Variants in RP1 observed in about 807,000 individuals in gnomAD.
RP1 encodes RP1 axonemal microtubule associated.
In RP1, 16 loss-of-function variants were observed where a neutral mutation model predicts 14.8. That is an observed-to-expected ratio of 1.08 (90% CI 0.73 to 1.65). The LOEUF (loss-of-function observed/expected upper bound fraction) is 1.65, where lower values mean the gene tolerates loss of function less well. RP1 is among the 40% of genes most tolerant of loss of function. The pLI is 0.00. For missense variants in RP1, 2,631 were observed against 2,535.0 expected, an observed-to-expected ratio of 1.04 and a Z score of -0.81; for synonymous variants, 876 against 883.6, an observed-to-expected ratio of 0.99 and a Z score of 0.15.
chr8:54,577,106 C>A (rs1396125149), intron 1 of RP1, among the ~76,000 whole-genome samples: 1 of 152,172 alleles, frequency 6.6e-6, no homozygotes, highest in Non-Finnish European at 1.5e-5. Flanking sequence ...ACCTCTGCTT[C>A]CCGGGTTCAA....
downstream of RP1, among the ~76,000 whole-genome samples, chr8:54,773,161 C>T (rs1375639959): frequency 1.3e-5 from 2 of 152,096 alleles, no homozygotes; most frequent in Non-Finnish European, 2.9e-5. Context: ...ACCTGCAGTC[C>T]TCACCTTCTC....
At chr8:54,645,959 GA>G (rs1806541622) in intron 3 of RP1, among the ~76,000 whole-genome samples, 1 of 151,898 alleles carries the variant, frequency 6.6e-6, no homozygotes, top group African/African-American at 2.4e-5. Flanking sequence ...TTTATATAAA[GA>G]AAAAAGGAGC....
At chr8:54,810,701 T>C (rs1220500255) in intron 24 of RP1, among the ~76,000 whole-genome samples, 2 of 152,198 alleles carry the variant, frequency 1.3e-5, no homozygotes, top group African/African-American at 4.8e-5. Flanking sequence ...AAATCCCTGT[T>C]CCAACACTGT....
chr8:54,769,847 G>A (rs1478548415), exon 23 of RP1: 1 of 1,342,384 alleles, frequency 7.4e-7, no homozygotes, highest in Non-Finnish European at 1.0e-6. Flanking sequence ...AGATGATTTT[G>A]TTACATCTGG....
chr8:54,825,121 C>T (rs946673168), intron 24 of RP1, among the ~76,000 whole-genome samples: 7 of 152,218 alleles, frequency 4.6e-5, no homozygotes, highest in Non-Finnish European at 1.0e-4. Context: ...AGGCGCCTGC[C>T]ACCACGGCCG....
intron 19 of RP1, among the ~76,000 whole-genome samples, chr8:54,741,707 G>GTGTGTATATA (rs1554528860): frequency 1.7e-5 from 1 of 58,034 alleles, no homozygotes; most frequent in African/African-American, 7.3e-5. Flanking sequence ...AAATGTGTGT[G>GTGTGTATATA]TATATATATA....
intron 1 of RP1, among the ~76,000 whole-genome samples, chr8:54,620,747 A>T (rs1033822924): frequency 6.6e-6 from 1 of 152,180 alleles, no homozygotes; most frequent in African/African-American, 2.4e-5. Context: ...CAAATTATAC[A>T]TATCCTTATT....
chr8:54,870,120 G>T, exon 29 of RP1: 1 of 379,470 alleles, frequency 2.6e-6, no homozygotes, highest in Non-Finnish European at 4.7e-6. Context: ...GACAGCCTCC[G>T]CCAACAGCTG....
Position 54,861,078 on chromosome 8 carries a change from CA to C in RP1, c.4069+3973del, listed in dbSNP as rs554320655. 1.4e-3 allele frequency among the ~76,000 whole-genome samples: 210 copies of C among 152,322 alleles called. 1 individual carries two copies. Among genetic ancestry groups the C allele is most frequent in the South Asian group, 3.1e-3 (15 of 4,824 alleles). On this transcript the variant is annotated intron_variant, in intron 27 of 28. Transcript: ENST00000637698. Reference sequence around the variant, plus strand: ...TTCTTTAATGAAACTACCCTTCCTACATTCTGAATACTCTTTACACTAAAAG... The same window carrying C: ...TTCTTTAATGAAACTACCCTTCCTACTTCTGAATACTCTTTACACTAAAAG...
exon 15 of RP1, chr8:54,706,576 G>T: frequency 6.5e-7 from 1 of 1,536,042 alleles, no homozygotes; most frequent in Admixed American, 2.0e-5. Context: ...CATAAAATCA[G>T]CTCTGGGATT....
At chr8:54,697,077 A>G (rs1807884580) in intron 12 of RP1, 6 of 1,576,096 alleles carry the variant, frequency 3.8e-6, no homozygotes, top group Non-Finnish European at 5.2e-6. Flanking sequence ...TTCCTCAAGG[A>G]GATGGGCACA....
chr8:54,737,364 T>C (rs1170907961), intron 18 of RP1, among the ~76,000 whole-genome samples: 4 of 152,220 alleles, frequency 2.6e-5, no homozygotes, highest in Admixed American at 6.6e-5. Flanking sequence ...TCACATATGC[T>C]TGGTAACCAG....
chr8:54,819,985 G>A (rs1431247804), intron 24 of RP1, among the ~76,000 whole-genome samples: 1 of 152,104 alleles, frequency 6.6e-6, no homozygotes, highest in Non-Finnish European at 1.5e-5. Flanking sequence ...TTTTATCAGG[G>A]CCCAATGGCT....
intron 12 of RP1, among the ~76,000 whole-genome samples, chr8:54,687,677 A>G (rs1055885777): frequency 6.6e-6 from 1 of 152,170 alleles, no homozygotes; most frequent in Non-Finnish European, 1.5e-5. Flanking sequence ...TCCATGGTGT[A>G]TATACGCCAC....
chr8:54,771,209 T>C (rs1028199084), downstream of RP1, among the ~76,000 whole-genome samples: 5 of 152,066 alleles, frequency 3.3e-5, no homozygotes, highest in Admixed American at 1.3e-4. Context: ...GTCATAATTT[T>C]ACTAATGTTC....
chr8:54,609,623 T>C (rs528915810), intron 1 of RP1, among the ~76,000 whole-genome samples: 1 of 152,322 alleles, frequency 6.6e-6, no homozygotes, highest in Admixed American at 6.5e-5. Flanking sequence ...ACTGGGTGAC[T>C]ATTTCACAGC....
chr8:54,682,903 A>C (rs928745203), intron 12 of RP1, among the ~76,000 whole-genome samples: 1 of 151,636 alleles, frequency 6.6e-6, no homozygotes, highest in African/African-American at 2.4e-5. Context: ...TATTGCCTAG[A>C]TTTTCTTCTA....
intron 1 of RP1, among the ~76,000 whole-genome samples, chr8:54,566,529 G>A (rs1463332708): frequency 2.0e-5 from 3 of 152,190 alleles, no homozygotes; most frequent in African/African-American, 7.2e-5. Context: ...CCCCCAGGAA[G>A]GAGTGGCTAG....
chr8:54,869,116 G>A lies in RP1; in HGVS notation c.4152-727G>A, dbSNP rs544223099. Among the ~76,000 whole-genome samples the A allele has an allele frequency of 5.9e-5, 9 of 152,152 alleles. No homozygotes were observed. In the East Asian group the frequency reaches 1.5e-3, roughly 26 times the overall value. On this transcript the variant is annotated intron_variant, in intron 28 of 28. Transcript: ENST00000637698. ...TGTGATATTTATATTTCAAAGACAA[G>A]GAAATTGTCTTTGAAATATAAAGAT... is the stretch of plus-strand genomic sequence containing the variant.
Sources: allele counts gnomAD v4.1 joint callset (sites outside exome capture counted in the v4.1 genomes callset), GRCh38; gene constraint gnomAD v4.1.1; transcripts MANE v1.5; gene names NCBI Gene and HGNC (gene_info 2026-07-23, HGNC 2026-07-21).